SLC2A7: variants seen among roughly 807,000 people sequenced by gnomAD.
SLC2A7 encodes the protein solute carrier family 2, facilitated glucose transporter member 7.
SLC2A7 carries 50 observed loss-of-function variants against 50.5 expected under a neutral mutation model. The ratio of observed to expected loss-of-function variants is 0.99; its 90% CI spans 0.79 to 1.25. The LOEUF is 1.25. Among genes scored for constraint, SLC2A7 ranks in the 50% most tolerant of loss-of-function variants. The pLI, the probability that SLC2A7 is intolerant of heterozygous loss-of-function variation, is 0.00. For missense variants in SLC2A7, 683 were observed against 679.1 expected, an observed-to-expected ratio of 1.01 and a Z score of -0.06; for synonymous variants, 308 against 300.4, an observed-to-expected ratio of 1.03 and a Z score of -0.26.
intron 9 of SLC2A7, 29 bp downstream of exon 9, chr1:9,010,114 C>A: frequency 6.5e-7 from 1 of 1,546,332 alleles, no homozygotes; most frequent in South Asian, 1.2e-5. Flanking sequence ...CATGACTCCC[C>A]ACCCAGGGGG....
At chr1:9,020,782 A>T (rs1270846192) in intron 3 of SLC2A7, among the ~76,000 whole-genome samples, 3 of 149,418 alleles carry the variant, frequency 2.0e-5, no homozygotes, top group African/African-American at 5.0e-5. Context: ...CTGTGTCCTC[A>T]CCCAAATCTC....
chr1:8,993,618 T>C, the SLC2A7 span, among the ~76,000 whole-genome samples: 1 of 152,170 alleles, frequency 6.6e-6, no homozygotes, highest in East Asian at 1.9e-4. Flanking sequence ...AAGTATTCTA[T>C]AAAAACATGA....
chr1:9,023,481 C>A (rs1195648453), intron 2 of SLC2A7, among the ~76,000 whole-genome samples: 1 of 152,048 alleles, frequency 6.6e-6, no homozygotes, highest in Admixed American at 6.5e-5. Context: ...GTGGCGGGCG[C>A]CTGTAGTCCC....
intron 5 of SLC2A7, 125 bp downstream of exon 5, chr1:9,018,098 C>G: frequency 1.5e-6 from 2 of 1,337,438 alleles, no homozygotes; most frequent in Non-Finnish European, 2.0e-6. Context: ...CCTTTGCCCA[C>G]CACACTGCCC....
At chr1:9,007,249 G>GT (rs1239932729) in intron 10 of SLC2A7, 61 bp downstream of exon 10, 8 of 1,572,882 alleles carry the variant, frequency 5.1e-6, no homozygotes, top group Non-Finnish European at 7.0e-6. Context: ...AGCACTGACT[G>GT]TGTGTCAGGC....
At chr1:9,005,533 C>T (rs544744827) in intron 10 of SLC2A7, among the ~76,000 whole-genome samples, 3 of 152,204 alleles carry the variant, frequency 2.0e-5, no homozygotes, top group African/African-American at 7.2e-5. Flanking sequence ...AAGCTTCCCA[C>T]CCCCGCTTAG....
At chr1:9,016,608 G>A (rs1327882697) in intron 5 of SLC2A7, among the ~76,000 whole-genome samples, 1 of 150,882 alleles carries the variant, frequency 6.6e-6, no homozygotes. Context: ...GACCAGGAAG[G>A]AAGGAAGGAA....
At chr1:9,010,383 A>G in intron 8 of SLC2A7, 139 bp from the exon 9 acceptor site, 1 of 685,170 alleles carries the variant, frequency 1.5e-6, no homozygotes, top group South Asian at 1.9e-5. Context: ...TTTTAAACGG[A>G]GTTTTGCTCT....
Position 9,008,617 on chromosome 1 carries a change from T to TTTA in SLC2A7, c.1117-1233_1117-1232insTAA, listed in dbSNP as rs55849403. 6.6e-5 allele frequency among the ~76,000 whole-genome samples: 10 copies of TTTA among 151,366 alleles called. No individual in the cohort carries two copies. Among genetic ancestry groups the TTTA allele is most frequent in the Non-Finnish European group, 1.5e-4 (10 of 67,796 alleles). ...AACTTATATTGGTTTTTTTTTTTTT[T>TTTA]AGACAGAATCTCGCTCTGTCACCCA... is the stretch of plus-strand genomic sequence containing the variant. On this transcript the variant is annotated intron_variant, in intron 9 of 11. Coordinates refer to ENST00000400906, the MANE Select transcript of SLC2A7 (RefSeq NM_207420.3). The surrounding 1 kb of genome is among the most constrained non-coding windows in gnomAD (Gnocchi z 5.9).
chr1:8,994,357 A>G, the SLC2A7 span, among the ~76,000 whole-genome samples: 1 of 151,954 alleles, frequency 6.6e-6, no homozygotes, highest in Admixed American at 6.6e-5. Flanking sequence ...AAGTTCAAAG[A>G]CCTGCCCAGT....
chr1:9,018,101 C>T lies in SLC2A7; in HGVS notation c.589+122G>A. The stretch of plus-strand genomic sequence containing the variant: ...ACGTCACCCATCCCTTTGCCCACCA[C>T]ACTGCCCAACACCTGACCCTAAAAT... On this transcript the variant is annotated intron_variant, in intron 5 of 11. Transcript: ENST00000400906. 3 of 1,358,650 alleles carry T rather than the reference C, an allele frequency of 2.2e-6. No homozygotes were observed. The South Asian group carries it at 4.4e-5, about 20-fold the overall frequency. The allele number at this position is 1,358,650 out of a possible 1,614,324, so 84.2% of individuals were successfully genotyped here.
intron 10 of SLC2A7, among the ~76,000 whole-genome samples, chr1:9,005,853 A>C (rs957804765): frequency 2.0e-5 from 3 of 152,024 alleles, no homozygotes; most frequent in Admixed American, 1.3e-4. Context: ...CATGGAGAAG[A>C]ATTCAAAGCC....
chr1:9,022,789 A>C lies in SLC2A7; in HGVS notation c.311+129T>G, dbSNP rs1640930942. On this transcript the variant is annotated intron_variant, in intron 3 of 11. Coordinates refer to ENST00000400906, the MANE Select transcript of SLC2A7 (RefSeq NM_207420.3). ...TTTAAGGTCATGATGACTGTGGCCA[A>C]GCGGAGACTAGACTTCAGATCTCCT... 5.6e-6 allele frequency: 7 copies of C among 1,255,428 alleles called. No individual in the cohort carries two copies. The East Asian group carries it at 1.6e-4, about 29-fold the overall frequency. 77.8% of individuals were successfully genotyped at this position (1,255,428 alleles called of 1,614,324 possible).
chr1:9,007,696 T>A (rs1355455191), intron 9 of SLC2A7, among the ~76,000 whole-genome samples: 1 of 152,100 alleles, frequency 6.6e-6, no homozygotes, highest in Non-Finnish European at 1.5e-5. Flanking sequence ...ACTCATCTGA[T>A]CTTTGTGATA....
At chr1:8,992,572 C>T in the SLC2A7 span, among the ~76,000 whole-genome samples, 2 of 152,032 alleles carry the variant, frequency 1.3e-5, no homozygotes, top group East Asian at 1.9e-4. Flanking sequence ...ACCATCCCCA[C>T]CTTCCTGCTG....
rs144633163 is a variant in SLC2A7, at chr1:9,014,719, C to T, written c.865G>A (p.Val289Met). The change falls in exon 7 of 12, where the codon GTG becomes ATG. Residue 289 changes from valine to methionine, a missense_variant. Coordinates refer to ENST00000400906, the MANE Select transcript of SLC2A7 (RefSeq NM_207420.3). The part of the protein sequence containing the change: ...SLRWQLLSII[V>M]LMAGQQLSGI... ...GACAGCTGCTGGCCGGCCATGAGCACGATGATGGAGAGGAGCTGCCAGCGC... is the reference window on the plus strand; with the variant it reads ...GACAGCTGCTGGCCGGCCATGAGCATGATGATGGAGAGGAGCTGCCAGCGC... 865 of 1,568,374 alleles carry T rather than the reference C, an allele frequency of 5.5e-4. 5 individuals carry two copies. In the African/African-American group the frequency reaches 0.01, roughly 19 times the overall value.
rs146106121 is a variant in SLC2A7 at position 9,011,178 on chromosome 1, C to T, written c.1015-934G>A. On this transcript the variant is annotated intron_variant, in intron 8 of 11. Coordinates refer to ENST00000400906, the MANE Select transcript of SLC2A7 (RefSeq NM_207420.3). ...GTGGGAACCACAGTAAAGGTTCATCCTCACACTTCCCCTTCATGCCTCTGC... is the reference window on the plus strand; with the variant it reads ...GTGGGAACCACAGTAAAGGTTCATCTTCACACTTCCCCTTCATGCCTCTGC... Among the ~76,000 whole-genome samples, 766 of 152,336 alleles carry T rather than the reference C, an allele frequency of 5.0e-3. 18 individuals carry two copies. The highest frequency in any genetic ancestry group is 1.4e-3 in the Non-Finnish European group (95 of 68,036).
intron 11 of SLC2A7, among the ~76,000 whole-genome samples, chr1:9,004,543 T>C (rs573797225): frequency 7.0e-6 from 1 of 143,584 alleles, no homozygotes; most frequent in African/African-American, 2.5e-5. Context: ...CCCTTTACAA[T>C]GTCAGCAGGG....
intron 6 of SLC2A7, 61 bp downstream of exon 6, chr1:9,015,056 C>G: frequency 6.2e-7 from 1 of 1,601,644 alleles, no homozygotes; most frequent in South Asian, 1.1e-5. Flanking sequence ...TGGCCCTGAC[C>G]GTGTCTCTGC....
Sources: allele counts gnomAD v4.1 joint callset (sites outside exome capture counted in the v4.1 genomes callset), GRCh38; gene constraint gnomAD v4.1.1; non-coding constraint Gnocchi (gnomAD v3.1); transcripts MANE v1.5; gene names NCBI Gene and HGNC (gene_info 2026-07-23, HGNC 2026-07-21).